WNT7B: variants seen among roughly 807,000 people sequenced by gnomAD.
WNT7B encodes Wnt family member 7B.
In WNT7B, 19 loss-of-function variants were observed where a neutral mutation model predicts 38.2. The observed-to-expected ratio is 0.50, with a 90% confidence interval of 0.35 to 0.73. The LOEUF (loss-of-function observed/expected upper bound fraction) is 0.73. Ranked by LOEUF, WNT7B falls within the 30% of genes least tolerant of loss-of-function variation. The pLI is 0.01. For synonymous variants in WNT7B, 243 were observed against 209.3 expected, an observed-to-expected ratio of 1.16 and a Z score of -1.39; for missense variants, 423 against 507.9, an observed-to-expected ratio of 0.83 and a Z score of 1.61.
At position 45,976,814 on chromosome 22, in the gene WNT7B, G is replaced by T. The variant is rs1932562119; in HGVS notation, c.-60C>A. ...CGGCCGGAGGGGACGCGCGGGCCCGGCAGGGCCGGGCAGGGGCCAGGGGGC... is the reference window on the plus strand; with the variant it reads ...CGGCCGGAGGGGACGCGCGGGCCCGTCAGGGCCGGGCAGGGGCCAGGGGGC... On this transcript the variant is annotated 5_prime_UTR_variant, in exon 1 of 4. Transcript: ENST00000339464. This position sits in a 1 kb window ranked among gnomAD's most constrained non-coding sequence, Gnocchi z 8.5. The T allele has an allele frequency of 2.0e-6, 3 of 1,495,146 alleles. No homozygotes were observed. The Admixed American group carries it at 6.0e-5, about 30-fold the overall frequency. 92.6% of individuals were successfully genotyped at this position (1,495,146 alleles called of 1,614,324 possible).
intron 2 of WNT7B, among the ~76,000 whole-genome samples, chr22:45,940,298 G>A (rs970782977): frequency 6.6e-6 from 1 of 152,060 alleles, no homozygotes; most frequent in Admixed American, 6.5e-5. Context: ...CTGGCCCAAG[G>A]TGACACAGCA....
rs527352931 is a variant in WNT7B at position 45,964,426 on chromosome 22, C to A, written c.71+12258G>T. 4.3e-4 allele frequency among the ~76,000 whole-genome samples: 66 copies of A among 152,298 alleles called. 2 individuals carry two copies. The South Asian group carries it at 0.01, about 24-fold the overall frequency. On this transcript the variant is annotated intron_variant, in intron 1 of 3. Transcript: ENST00000339464. ...GTGTGGCCCCTGCAGGCCAGCCCCC[C>A]CCAGGCTGAGGGGAGTCATGGGGCA...
At chr22:45,926,241 T>A in intron 3 of WNT7B, 2 of 985,272 alleles carry the variant, frequency 2.0e-6, no homozygotes, top group South Asian at 4.7e-5. Context: ...GCAACAGCAA[T>A]GGTGGTGCCA....
chr22:45,958,981 C>T (rs1261812703), intron 1 of WNT7B, among the ~76,000 whole-genome samples: 1 of 152,206 alleles, frequency 6.6e-6, no homozygotes, highest in African/African-American at 2.4e-5. Flanking sequence ...ACGGGCCCTC[C>T]CCGAACAGGT....
chr22:45,925,715 C>G, intron 3 of WNT7B: 1 of 985,432 alleles, frequency 1.0e-6, no homozygotes, highest in Non-Finnish European at 1.2e-6. Flanking sequence ...ACGGCCTGCT[C>G]GGATGCTCCC....
chr22:45,952,047 G>A (rs1279478478), intron 1 of WNT7B, among the ~76,000 whole-genome samples: 10 of 152,176 alleles, frequency 6.6e-5, no homozygotes, highest in African/African-American at 2.2e-4. Flanking sequence ...AGACCCGCAG[G>A]CAACAGTGGG....
chr22:45,955,472 A>G (rs1932036895), intron 1 of WNT7B, among the ~76,000 whole-genome samples: 1 of 152,176 alleles, frequency 6.6e-6, no homozygotes, highest in Non-Finnish European at 1.5e-5. Flanking sequence ...TGCGGGGCGG[A>G]CCCAGCTTCG....
intron 2 of WNT7B, among the ~76,000 whole-genome samples, chr22:45,932,417 C>A (rs1931393199): frequency 1.0e-5 from 1 of 95,418 alleles, no homozygotes; most frequent in Admixed American, 1.2e-4. Flanking sequence ...CCTTCCCAGA[C>A]CCCCCCCGCC....
intron 1 of WNT7B, chr22:45,972,121 C>CCCGCCCACCCCGCACG: frequency 2.5e-6 from 1 of 396,314 alleles, no homozygotes; most frequent in East Asian, 7.0e-5. Context: ...GGGGAGCCCA[C>CCCGCCCACCCCGCACG]CCGCCCACCC....
chr22:45,932,589 G>C (rs1031651274), intron 2 of WNT7B, among the ~76,000 whole-genome samples: 8 of 152,178 alleles, frequency 5.3e-5, no homozygotes, highest in African/African-American at 1.9e-4. Context: ...CCATCTCCAG[G>C]CCAGGCCCTG....
chr22:45,952,553 AACCCTGCCGGGC>A (rs1931958216), intron 1 of WNT7B, among the ~76,000 whole-genome samples: 1 of 152,246 alleles, frequency 6.6e-6, no homozygotes, highest in Non-Finnish European at 1.5e-5. Context: ...GATGGATGGG[AACCCTGCCGGGC>A]ACCCTGTTTG....
intron 3 of WNT7B, among the ~76,000 whole-genome samples, chr22:45,929,229 CTG>C (rs1232322338): frequency 6.6e-6 from 1 of 152,216 alleles, no homozygotes; most frequent in African/African-American, 2.4e-5. Context: ...ACACTTTCCT[CTG>C]GACTCTCAAG....
intron 1 of WNT7B, among the ~76,000 whole-genome samples, chr22:45,974,532 G>C (rs910664296): frequency 6.6e-6 from 1 of 152,120 alleles, no homozygotes; most frequent in Non-Finnish European, 1.5e-5. Context: ...TGGCTTTCCT[G>C]CTTGCCATTC....
At chr22:45,950,856 G>A (rs149081462) in intron 1 of WNT7B, among the ~76,000 whole-genome samples, 3 of 152,246 alleles carry the variant, frequency 2.0e-5, no homozygotes, top group African/African-American at 7.2e-5. Flanking sequence ...CTGGGTGCAC[G>A]CAGAGGAAGA....
chr22:45,967,178 G>A (rs570128626), intron 1 of WNT7B, among the ~76,000 whole-genome samples: 6 of 152,316 alleles, frequency 3.9e-5, no homozygotes, highest in African/African-American at 1.2e-4. Flanking sequence ...GAGGACAAAC[G>A]GTGGTTTTGT....
rs969330396 is a variant in WNT7B at position 45,975,453 on chromosome 22, C to G, written c.71+1231G>C. 1.5e-6 allele frequency: 1 copy of G among 686,802 alleles called. No individual in the cohort carries two copies. Among genetic ancestry groups the G allele is most frequent in the Non-Finnish European group, 2.7e-6 (1 of 367,224 alleles). The allele number at this position is 686,802 out of a possible 1,614,324, so 42.5% of individuals were successfully genotyped here. Reference sequence around the variant, plus strand: ...GCAGCCGCAGACACGCCCGCCCAGACCTGCAGGGCTCAGGCTAGGACGGGG... The same window carrying G: ...GCAGCCGCAGACACGCCCGCCCAGAGCTGCAGGGCTCAGGCTAGGACGGGG... On this transcript the variant is annotated intron_variant, in intron 1 of 3. Coordinates refer to ENST00000339464, the MANE Select transcript of WNT7B (RefSeq NM_058238.3). This position sits in a 1 kb window ranked among gnomAD's most constrained non-coding sequence, Gnocchi z 6.6.
At chr22:45,963,291 G>A (rs566177121) in intron 1 of WNT7B, among the ~76,000 whole-genome samples, 43 of 152,250 alleles carry the variant, frequency 2.8e-4, no homozygotes, top group African/African-American at 9.2e-4. Flanking sequence ...CCACTTTTCT[G>A]GAATGCTCCC....
chr22:45,957,682 CAAAAAAAAAAAAA>C (rs367797133), intron 1 of WNT7B, among the ~76,000 whole-genome samples: 19 of 36,014 alleles, frequency 5.3e-4, no homozygotes, highest in East Asian at 4.9e-3. Flanking sequence ...GACTCCGTCT[CAAAAAAAAAAAAA>C]AAAAAAAAAA....
chr22:45,923,865 G>A (rs1246511683), intron 3 of WNT7B, among the ~76,000 whole-genome samples: 3 of 152,182 alleles, frequency 2.0e-5, no homozygotes, highest in Non-Finnish European at 4.4e-5. Context: ...CTCGGCGCAC[G>A]TTGCCCAAGG....
Sources: allele counts gnomAD v4.1 joint callset (sites outside exome capture counted in the v4.1 genomes callset), GRCh38; gene constraint gnomAD v4.1.1; non-coding constraint Gnocchi (gnomAD v3.1); transcripts MANE v1.5; gene names NCBI Gene and HGNC (gene_info 2026-07-23, HGNC 2026-07-21).